The following C1orf50 variants were observed in gnomAD, a reference collection of about 807,000 sequenced individuals.
The protein encoded by C1orf50 is chromosome 1 open reading frame 50.
A neutral mutation model predicts 23.3 loss-of-function variants in C1orf50; 22 were observed. That is an observed-to-expected ratio of 0.94 (90% confidence interval 0.67 to 1.35). C1orf50 has a LOEUF of 1.35. Among genes scored for constraint, C1orf50 ranks in the 40% most tolerant of loss-of-function variants. The probability of loss-of-function intolerance (pLI) is 0.00; values close to 1 mark genes in which losing one functional copy is unlikely to be tolerated. For missense variants in C1orf50, 271 were observed against 249.4 expected (o/e 1.09, Z -0.58); for synonymous variants, 96 against 102.4 (o/e 0.94, Z 0.38).
chr1:42,775,155 C>T (rs1653308002), intron 4 of C1orf50, 54 bp from the exon 5 acceptor site: 1 of 1,486,298 alleles, frequency 6.7e-7, no homozygotes, highest in African/African-American at 1.4e-5. Flanking sequence ...AGGAAATGAG[C>T]TCAGTTTGTT....
rs1017842794 is a variant in C1orf50 at position 42,776,851 on chromosome 1, AG to A, written c.*1459del. The stretch of plus-strand genomic sequence containing the variant: ...TGCATGATGATGACACATTTTGAAT[AG>A]GTGCTTTATTAGTTACAGATAAACA... On this transcript the variant is annotated 3_prime_UTR_variant, in exon 5 of 5. Transcript: ENST00000372525. 1 of 152,252 alleles carries A rather than the reference AG, an allele frequency of 6.6e-6. No homozygotes were observed. The highest frequency in any genetic ancestry group is 1.5e-5 in the Non-Finnish European group (1 of 68,048). 9.4% of individuals were successfully genotyped at this position (152,252 alleles called of 1,614,324 possible). A position where few individuals can be genotyped will look rare whatever the true frequency, so the allele number is the denominator to read the frequency against.
intron 3 of C1orf50, 62 bp downstream of exon 3, chr1:42,773,711 C>A: frequency 8.7e-7 from 1 of 1,155,846 alleles, no homozygotes; most frequent in Non-Finnish European, 1.3e-6. Flanking sequence ...ATTGGCTGAA[C>A]TTGTTTATAA....
intron 2 of C1orf50, among the ~76,000 whole-genome samples, chr1:42,767,978 C>T (rs545038296): frequency 1.6e-4 from 24 of 152,304 alleles, no homozygotes; most frequent in Middle Eastern, 6.9e-3. Flanking sequence ...CGGGAAGTTT[C>T]AAGGTCCGCT....
Position 42,776,317 on chromosome 1 carries a change from T to TTCAAG in C1orf50, c.*923_*924insTCAAG, listed in dbSNP as rs1166405306. 7 of 152,226 alleles carry TTCAAG rather than the reference T, an allele frequency of 4.6e-5. No individual in the cohort carries two copies. Among genetic ancestry groups the TTCAAG allele is most frequent in the African/African-American group, 1.4e-4 (6 of 41,462 alleles). 9.4% of individuals were successfully genotyped at this position (152,226 alleles called of 1,614,324 possible). A position where few individuals can be genotyped will look rare whatever the true frequency, so the allele number is the denominator to read the frequency against. ...TTTTGACCAGAATTATTCAAGAACT[T>TTCAAG]AACAGGGTTTTGGCAAAATTACTGT... On this transcript the variant is annotated 3_prime_UTR_variant, in exon 5 of 5. Coordinates refer to ENST00000372525, the MANE Select transcript of C1orf50 (RefSeq NM_024097.4).
At chr1:42,767,702 T>C (rs1653108193) in intron 2 of C1orf50, 78 bp downstream of exon 2, 5 of 1,278,504 alleles carry the variant, frequency 3.9e-6, no homozygotes, top group Non-Finnish European at 4.4e-6. Flanking sequence ...CAGACCTCAC[T>C]ACCACCTATG....
intron 2 of C1orf50, among the ~76,000 whole-genome samples, chr1:42,770,667 G>A (rs755115076): frequency 1.3e-5 from 2 of 152,138 alleles, no homozygotes; most frequent in African/African-American, 4.8e-5. Context: ...CCCGACCTCA[G>A]GTGATCCATC....
rs751878400 is a variant in C1orf50, at chr1:42,767,526, AC to A, written c.101del (p.Pro34ArgfsTer9). 5.7e-6 allele frequency: 9 copies of A among 1,584,068 alleles called. No homozygotes were observed. Among genetic ancestry groups the A allele is most frequent in the South Asian group, 3.4e-5 (3 of 87,326 alleles). On this transcript the variant is annotated frameshift_variant, in exon 2 of 5. Coordinates refer to ENST00000372525, the MANE Select transcript of C1orf50 (RefSeq NM_024097.4). LOFTEE classifies it high-confidence loss of function. ...TGTCGCAGGAGCCCTGGTGGAGCTCACCCCGACCCCCGGCGGCCTGGCCCTG... is the reference window on the plus strand; with the variant it reads ...TGTCGCAGGAGCCCTGGTGGAGCTCACCCGACCCCCGGCGGCCTGGCCCTG... ...AGQGGALVELTPTPGGLALVS... is the reference protein window; with the variant it reads ...AGQGGALVELXPTPGGLALVS...
rs544124355 is a variant in C1orf50 at position 42,777,777 on chromosome 1, A to G, written c.*2383A>G. On this transcript the variant is annotated 3_prime_UTR_variant, in exon 5 of 5. Transcript: ENST00000372525. ...AGGAAAATTCTAGGTAAAAAAGGCA[A>G]TATTACTAAGTGGTTAAGTGTGATG... 3 of 152,252 alleles carry G rather than the reference A, an allele frequency of 2.0e-5. No individual in the cohort carries two copies. Among genetic ancestry groups the G allele is most frequent in the African/African-American group, 4.8e-5 (2 of 41,552 alleles). The allele number at this position is 152,252 out of a possible 1,614,324, so 9.4% of individuals were successfully genotyped here. A position where few individuals can be genotyped will look rare whatever the true frequency, so the allele number is the denominator to read the frequency against.
In C1orf50 at chr1:42,777,315, C is replaced by CT. The variant is rs1451329394; in HGVS notation, c.*1922dup. The CT allele has an allele frequency of 6.6e-6, 1 of 152,220 alleles. No homozygotes were observed. The highest frequency in any genetic ancestry group is 2.4e-5 in the African/African-American group (1 of 41,442). 9.4% of individuals were successfully genotyped at this position (152,220 alleles called of 1,614,324 possible). On this transcript the variant is annotated 3_prime_UTR_variant, in exon 5 of 5. Transcript: ENST00000372525. ...TTCACCATGTTGGCCAGGAGGGTCT[C>CT]TATCTCTTGACCTCATGATCCACCT...
At chr1:42,770,133 T>G (rs1489894558) in intron 2 of C1orf50, among the ~76,000 whole-genome samples, 1 of 152,244 alleles carries the variant, frequency 6.6e-6, no homozygotes, top group Non-Finnish European at 1.5e-5. Context: ...GCTTAGTAGT[T>G]GTAGGTACTC....
At chr1:42,767,670 T>G in intron 2 of C1orf50, 46 bp downstream of exon 2, 1 of 1,522,882 alleles carries the variant, frequency 6.6e-7, no homozygotes, top group Non-Finnish European at 9.0e-7. Flanking sequence ...TTCGTTCACG[T>G]TGTACTCTGC....
At position 42,775,291 on chromosome 1, in the gene C1orf50, T is replaced by C. The variant is rs74070023; in HGVS notation, c.497T>C (p.Ile166Thr). The change falls in exon 5 of 5, where the codon ATT (isoleucine) becomes ACT (threonine). Residue 166 changes from isoleucine to threonine, a missense_variant. Transcript: ENST00000372525. ...HDLSWTPYED[I>T]EKQDAKISMM... ...TTGTCCTGGACTCCGTATGAGGACA[T>C]TGAGAAGCAAGATGCTAAAATCAGC... is the stretch of plus-strand genomic sequence containing the variant. The C allele has an allele frequency of 5.5e-5, 88 of 1,613,354 alleles. No individual in the cohort carries two copies. The Middle Eastern group carries it at 1.7e-3, about 30-fold the overall frequency.
Position 42,773,622 on chromosome 1 carries a change from C to T in C1orf50, c.255C>T (p.Ile85=), listed in dbSNP as rs149435471. ...AGCTGACAGTCATAGCTGAGCAAATCCAACATTTGCAAGAACAAGCCAGGA... is the reference window on the plus strand; with the variant it reads ...AGCTGACAGTCATAGCTGAGCAAATTCAACATTTGCAAGAACAAGCCAGGA... ...TNKLTVIAEQ[I]QHLQEQARKV... The change falls in exon 3 of 5, where the codon ATC becomes ATT. Residue 85 remains isoleucine, a synonymous_variant. Transcript: ENST00000372525. 7 of 1,612,220 alleles carry T rather than the reference C, an allele frequency of 4.3e-6. No individual in the cohort carries two copies. The African/African-American group carries it at 6.7e-5, about 15-fold the overall frequency.
chr1:42,771,336 TTTAA>T (rs1653216903), intron 2 of C1orf50, among the ~76,000 whole-genome samples: 1 of 152,222 alleles, frequency 6.6e-6, no homozygotes, highest in South Asian at 2.1e-4. Context: ...TTTATTTGAT[TTTAA>T]TTAATTTGAA....
rs1653322758 is a variant in C1orf50 at position 42,775,664 on chromosome 1, C to T, written c.*270C>T. On this transcript the variant is annotated 3_prime_UTR_variant, in exon 5 of 5. Coordinates refer to ENST00000372525, the MANE Select transcript of C1orf50 (RefSeq NM_024097.4). ...TGGCCAGTGTACTTTCCTTCTTCCT[C>T]TCCATCACTTCTTCCCTTAAGTTAA... 1 of 282,180 alleles carries T rather than the reference C, an allele frequency of 3.5e-6. No individual in the cohort carries two copies. The highest frequency in any genetic ancestry group is 4.9e-5 in the Admixed American group (1 of 20,260). The allele number at this position is 282,180 out of a possible 1,614,324, so 17.5% of individuals were successfully genotyped here. A position where few individuals can be genotyped will look rare whatever the true frequency, so the allele number is the denominator to read the frequency against.
chr1:42,769,553 A>T (rs1653171581), intron 2 of C1orf50: 2 of 149,442 alleles, frequency 1.3e-5, no homozygotes, highest in Middle Eastern at 3.5e-3. Flanking sequence ...AGAAAAAAAA[A>T]TGGTGGTGGG....
intron 2 of C1orf50, among the ~76,000 whole-genome samples, chr1:42,769,326 GC>G: frequency 6.7e-6 from 1 of 150,356 alleles, no homozygotes; most frequent in South Asian, 2.1e-4. Flanking sequence ...CGGGAGGATT[GC>G]CTGAGCTCAG....
At chr1:42,767,721 G>A in intron 2 of C1orf50, 97 bp downstream of exon 2, 2 of 1,121,740 alleles carry the variant, frequency 1.8e-6, no homozygotes, top group Non-Finnish European at 1.3e-6. Flanking sequence ...TGGTGGGGGT[G>A]GCATTTGCTC....
chr1:42,773,635 G>A lies in C1orf50; in HGVS notation c.268G>A (p.Glu90Lys). 6.2e-7 allele frequency: 1 copy of A among 1,610,562 alleles called. No homozygotes were observed. Among genetic ancestry groups the A allele is most frequent in the Non-Finnish European group, 8.5e-7 (1 of 1,177,088 alleles). The change falls in exon 3 of 5, where the codon GAA becomes AAA. Residue 90 changes from glutamate to lysine, a missense_variant. Glu to Lys is a moderately conservative substitution (Grantham distance 56). Coordinates refer to ENST00000372525, the MANE Select transcript of C1orf50 (RefSeq NM_024097.4). ...VIAEQIQHLQEQARKVLEDAH... is the reference protein window; with the variant it reads ...VIAEQIQHLQKQARKVLEDAH... ...AGCTGAGCAAATCCAACATTTGCAA[G>A]AACAAGCCAGGAAGGTAAGGAATGA...
Sources: allele counts gnomAD v4.1 joint callset (sites outside exome capture counted in the v4.1 genomes callset), GRCh38; gene constraint gnomAD v4.1.1; transcripts MANE v1.5; gene names NCBI Gene and HGNC (gene_info 2026-07-23, HGNC 2026-07-21).